SRSF11: variants seen among roughly 807,000 people sequenced by gnomAD.
SRSF11 encodes serine/arginine-rich splicing factor 11.
Under a neutral mutation model 56.0 loss-of-function variants are expected in SRSF11, and 9 were observed. The ratio of observed to expected loss-of-function variants is 0.16; its 90% CI spans 0.10 to 0.28. The LOEUF (loss-of-function observed/expected upper bound fraction) is 0.28, where lower values mean the gene tolerates loss of function less well. Among genes scored for constraint, SRSF11 ranks in the 10% least tolerant of loss-of-function variants. The pLI, the probability that SRSF11 is intolerant of heterozygous loss-of-function variation, is 1.00. For missense variants in SRSF11, 421 were observed against 600.7 expected (o/e 0.70, Z 3.13); for synonymous variants, 222 against 215.3 (o/e 1.03, Z -0.27).
intron 1 of SRSF11, among the ~76,000 whole-genome samples, chr1:70,213,129 G>T (rs1028329706): frequency 6.6e-6 from 1 of 152,174 alleles, no homozygotes; most frequent in Admixed American, 6.5e-5. Context: ...TGTAACATTT[G>T]TTGGGTGCCT....
intron 3 of SRSF11, among the ~76,000 whole-genome samples, chr1:70,234,386 T>C (rs980881978): frequency 2.0e-5 from 3 of 152,214 alleles, no homozygotes; most frequent in African/African-American, 7.2e-5. Flanking sequence ...TTGTCTTTTT[T>C]TCTTAATCTA....
intron 2 of SRSF11, 188 bp downstream of exon 2, chr1:70,228,743 A>C: frequency 7.9e-7 from 1 of 1,267,100 alleles, no homozygotes; most frequent in Non-Finnish European, 9.9e-7. Flanking sequence ...TAGGTCTGTT[A>C]TTATAAGGTA....
intron 1 of SRSF11, among the ~76,000 whole-genome samples, chr1:70,223,866 A>G (rs1671174492): frequency 6.6e-6 from 1 of 152,230 alleles, no homozygotes; most frequent in Non-Finnish European, 1.5e-5. Flanking sequence ...GGCTCAGATT[A>G]CATAAAATTC....
chr1:70,247,011 A>C, intron 9 of SRSF11, 104 bp downstream of exon 9: 2 of 1,142,530 alleles, frequency 1.8e-6, no homozygotes, highest in Non-Finnish European at 2.4e-6. Context: ...TAAGTATTTC[A>C]GTGTTGAAAA....
chr1:70,223,413 A>C (rs1234517257), intron 1 of SRSF11, among the ~76,000 whole-genome samples: 1 of 152,206 alleles, frequency 6.6e-6, no homozygotes, highest in Non-Finnish European at 1.5e-5. Context: ...CCAGTATACT[A>C]GAGGAAGTTG....
intron 3 of SRSF11, 50 bp downstream of exon 3, chr1:70,232,427 G>A: frequency 1.4e-6 from 2 of 1,417,580 alleles, no homozygotes; most frequent in Non-Finnish European, 2.0e-6. Context: ...ACAGAATTGT[G>A]CATAAAGCTA....
chr1:70,238,453 AAAAG>A (rs1414373684), intron 6 of SRSF11, among the ~76,000 whole-genome samples: 1 of 152,236 alleles, frequency 6.6e-6, no homozygotes, highest in Non-Finnish European at 1.5e-5. Context: ...ACTTAAATGT[AAAAG>A]AAACTCAATC....
rs1179511058 is a variant in SRSF11 at position 70,252,147 on chromosome 1, T to A, written c.*1342T>A. 1 of 152,496 alleles carries A rather than the reference T, an allele frequency of 6.6e-6. No homozygotes were observed. Among genetic ancestry groups the A allele is most frequent in the Non-Finnish European group, 1.5e-5 (1 of 68,000 alleles). The allele number at this position is 152,496 out of a possible 1,614,324, so 9.4% of individuals were successfully genotyped here. ...AGGAAGTCTATCACTGTAGTGATAATTGCCATCAAAATTGTCAAAAATGAT... is the reference window on the plus strand; with the variant it reads ...AGGAAGTCTATCACTGTAGTGATAAATGCCATCAAAATTGTCAAAAATGAT... On this transcript the variant is annotated 3_prime_UTR_variant, in exon 12 of 12. Transcript: ENST00000370949.
At chr1:70,240,475 A>G (rs1675094337) in intron 7 of SRSF11, among the ~76,000 whole-genome samples, 1 of 152,178 alleles carries the variant, frequency 6.6e-6, no homozygotes, top group Non-Finnish European at 1.5e-5. Context: ...AAAAGGCAAT[A>G]ATTTGTTATT....
Position 70,239,905 on chromosome 1 carries a change from T to G in SRSF11, c.800+385T>G, listed in dbSNP as rs115321162. Among the ~76,000 whole-genome samples, 508 of 152,368 alleles carry G rather than the reference T, an allele frequency of 3.3e-3. 5 individuals carry two copies. Among genetic ancestry groups the G allele is most frequent in the African/African-American group, 0.012 (486 of 41,586 alleles). On this transcript the variant is annotated intron_variant, in intron 7 of 11. Transcript: ENST00000370949. ...AAATGCAAGTACTAGGAATCTGGCA[T>G]GCTCACAACAATGGAGTCATTTTCC...
intron 7 of SRSF11, among the ~76,000 whole-genome samples, chr1:70,239,755 A>G (rs1674908132): frequency 6.6e-6 from 1 of 152,172 alleles, no homozygotes; most frequent in Non-Finnish European, 1.5e-5. Context: ...AAGCATTGGA[A>G]CTAGAGCAAC....
chr1:70,240,024 C>T (rs1323698689), intron 7 of SRSF11, among the ~76,000 whole-genome samples: 1 of 152,148 alleles, frequency 6.6e-6, no homozygotes, highest in African/African-American at 2.4e-5. Flanking sequence ...AAATTGTCTG[C>T]CAAATACCCA....
chr1:70,209,049 A>C (rs566484678), intron 1 of SRSF11, among the ~76,000 whole-genome samples: 7 of 152,238 alleles, frequency 4.6e-5, no homozygotes, highest in Non-Finnish European at 8.8e-5. Flanking sequence ...AAGTGATGAA[A>C]GGCTTCCCTC....
chr1:70,245,499 C>A (rs1160714798), intron 8 of SRSF11, among the ~76,000 whole-genome samples: 1 of 152,088 alleles, frequency 6.6e-6, no homozygotes, highest in African/African-American at 2.4e-5. Context: ...ATTAATAGAA[C>A]AGTTATACAA....
chr1:70,247,984 G>T (rs766087413), intron 9 of SRSF11, among the ~76,000 whole-genome samples: 2 of 152,064 alleles, frequency 1.3e-5, no homozygotes, highest in East Asian at 3.9e-4. Context: ...CACTAGGATG[G>T]TTATAAATCA....
chr1:70,242,030 G>A (rs1675538287), intron 7 of SRSF11, among the ~76,000 whole-genome samples: 1 of 152,062 alleles, frequency 6.6e-6, no homozygotes, highest in Non-Finnish European at 1.5e-5. Flanking sequence ...AGCTGGGTGT[G>A]GTGGCGCGCG....
rs554617176 is a variant in SRSF11, at chr1:70,236,332, CT to C, written c.590+799del. ...TTTTTTTTCTTTCTTCTTTCTTTTT[CT>C]TTTTTTTTTTTTTTTTGAGACGAGT... On this transcript the variant is annotated intron_variant, in intron 5 of 11. Coordinates refer to ENST00000370949, the MANE Select transcript of SRSF11 (RefSeq NM_001350605.2). 2.0e-3 allele frequency among the ~76,000 whole-genome samples: 261 copies of C among 133,834 alleles called. 3 individuals carry two copies. Among genetic ancestry groups the C allele is most frequent in the East Asian group, 0.013 (58 of 4,636 alleles). The allele number at this position is 133,834 out of a possible 152,430, so 87.8% of individuals were successfully genotyped here. A position where few individuals can be genotyped will look rare whatever the true frequency, so the allele number is the denominator to read the frequency against.
intron 2 of SRSF11, chr1:70,232,064 A>G: frequency 2.6e-6 from 4 of 1,532,074 alleles, no homozygotes; most frequent in Non-Finnish European, 3.5e-6. Flanking sequence ...TGTAGAGAAA[A>G]AGGAAACAAA....
At chr1:70,228,015 C>G (rs1672186926) in intron 1 of SRSF11, among the ~76,000 whole-genome samples, 1 of 152,072 alleles carries the variant, frequency 6.6e-6, no homozygotes, top group African/African-American at 2.4e-5. Context: ...TCATTTGTCC[C>G]TGATATAAAA....
Sources: allele counts gnomAD v4.1 joint callset (sites outside exome capture counted in the v4.1 genomes callset), GRCh38; gene constraint gnomAD v4.1.1; transcripts MANE v1.5; gene names NCBI Gene and HGNC (gene_info 2026-07-23, HGNC 2026-07-21).